The following MARCHF1 variants were observed in gnomAD, a reference collection of about 807,000 sequenced individuals.
MARCHF1 encodes membrane associated ring-CH-type finger 1.
A neutral mutation model predicts 54.2 loss-of-function variants in MARCHF1; 40 were observed. That is an observed-to-expected ratio of 0.74 (90% CI 0.57 to 0.96). The LOEUF (loss-of-function observed/expected upper bound fraction) is 0.96. MARCHF1 is among the 40% of genes least tolerant of loss of function. MARCHF1 has a pLI of 0.00. For missense variants in MARCHF1, 586 were observed against 656.5 expected (o/e 0.89, Z 1.17); for synonymous variants, 236 against 236.3 (o/e 1.00, Z 0.01).
intron 1 of MARCHF1, among the ~76,000 whole-genome samples, chr4:164,200,773 C>T (rs1220197189): frequency 2.0e-5 from 3 of 152,050 alleles, no homozygotes; most frequent in Admixed American, 6.6e-5. Flanking sequence ...TTTCAGAAAG[C>T]AATAAGTGCT....
intron 3 of MARCHF1, among the ~76,000 whole-genome samples, chr4:163,937,242 C>T (rs1751815529): frequency 6.6e-6 from 1 of 152,158 alleles, no homozygotes; most frequent in East Asian, 1.9e-4. Flanking sequence ...AGAAATTAGT[C>T]AATACATACA....
intron 4 of MARCHF1, among the ~76,000 whole-genome samples, chr4:163,743,596 T>TG (rs1746272225): frequency 8.2e-6 from 1 of 121,318 alleles, no homozygotes; most frequent in Non-Finnish European, 1.7e-5. Flanking sequence ...TTTTTTTTTT[T>TG]GAGACAGAGT....
chr4:163,985,357 C>A (rs753252872), intron 3 of MARCHF1, among the ~76,000 whole-genome samples: 1 of 152,108 alleles, frequency 6.6e-6, no homozygotes, highest in East Asian at 1.9e-4. Context: ...TGTATTCAAA[C>A]TGGACATAAT....
intron 1 of MARCHF1, among the ~76,000 whole-genome samples, chr4:164,362,626 C>T (rs989116614): frequency 1.3e-5 from 2 of 152,110 alleles, no homozygotes; most frequent in African/African-American, 2.4e-5. Flanking sequence ...AAATGGTGCA[C>T]ACTTTTGTTA....
chr4:163,783,909 T>G (rs1404080983), intron 4 of MARCHF1, among the ~76,000 whole-genome samples: 1 of 152,200 alleles, frequency 6.6e-6, no homozygotes, highest in Non-Finnish European at 1.5e-5. Flanking sequence ...TGCTATGTCT[T>G]TTAAGACACC....
chr4:164,180,657 T>C (rs529680147), intron 1 of MARCHF1, among the ~76,000 whole-genome samples: 7 of 152,316 alleles, frequency 4.6e-5, no homozygotes, highest in African/African-American at 1.7e-4. Flanking sequence ...TCAAGACAGC[T>C]GAATATGAGT....
intron 1 of MARCHF1, among the ~76,000 whole-genome samples, chr4:164,347,537 T>C (rs577332011): frequency 6.6e-6 from 1 of 152,310 alleles, no homozygotes; most frequent in East Asian, 1.9e-4. Flanking sequence ...TAATTTATCA[T>C]ATTGCTAAAA....
chr4:163,860,784 T>C (rs531404414), intron 3 of MARCHF1, among the ~76,000 whole-genome samples: 4 of 152,258 alleles, frequency 2.6e-5, no homozygotes, highest in Admixed American at 1.3e-4. Context: ...GATAGACAAA[T>C]AGTAGGGCAC....
intron 3 of MARCHF1, chr4:163,933,186 C>T: frequency 1.3e-6 from 1 of 746,588 alleles, no homozygotes. Flanking sequence ...TTCTTAGAGA[C>T]AACCTAACAC....
chr4:163,927,118 A>T (rs1445187099), intron 3 of MARCHF1, among the ~76,000 whole-genome samples: 2 of 151,664 alleles, frequency 1.3e-5, no homozygotes, highest in African/African-American at 4.8e-5. Flanking sequence ...ACAGACTTAA[A>T]TGTTTGTATT....
chr4:163,925,104 T>C lies in MARCHF1; in HGVS notation c.-39+63397A>G, dbSNP rs1010003993. Among the ~76,000 whole-genome samples, 11 of 151,906 alleles carry C rather than the reference T, an allele frequency of 7.2e-5. No homozygotes were observed. In the East Asian group the frequency reaches 7.7e-4, roughly 11 times the overall value. On this transcript the variant is annotated intron_variant, in intron 3 of 9. Transcript: ENST00000514618. ...ACTGTAACCACTGATAAACTTCTTATAGACCTTGTTACAGGAAGTGAGGTT... is the reference window on the plus strand; with the variant it reads ...ACTGTAACCACTGATAAACTTCTTACAGACCTTGTTACAGGAAGTGAGGTT...
intron 4 of MARCHF1, among the ~76,000 whole-genome samples, chr4:163,707,786 T>TAAAA (rs777522371): frequency 5.5e-4 from 36 of 65,766 alleles, no homozygotes; most frequent in South Asian, 9.9e-4. Context: ...TGTTTTGAAC[T>TAAAA]AAAAAAAAAA....
At chr4:164,013,886 C>T (rs753720224) in intron 2 of MARCHF1, among the ~76,000 whole-genome samples, 15 of 152,052 alleles carry the variant, frequency 9.9e-5, no homozygotes, top group African/African-American at 1.7e-4. Flanking sequence ...AAAGGGAGTC[C>T]GGGTGTGGTG....
At chr4:163,986,249 C>CCTTTTTTTTTTTTTTTT (rs1752864138) in intron 3 of MARCHF1, among the ~76,000 whole-genome samples, 2 of 28,830 alleles carry the variant, frequency 6.9e-5, no homozygotes, top group Non-Finnish European at 1.5e-4. Flanking sequence ...TTAACCTCTT[C>CCTTTTTTTTTTTTTTTT]TTTTTTTTTT....
At chr4:163,975,591 T>C (rs1752634800) in intron 3 of MARCHF1, among the ~76,000 whole-genome samples, 1 of 152,170 alleles carries the variant, frequency 6.6e-6, no homozygotes, top group Non-Finnish European at 1.5e-5. Flanking sequence ...CAGGTAAACA[T>C]CCCAGGATTA....
intron 3 of MARCHF1, among the ~76,000 whole-genome samples, chr4:163,873,761 T>A (rs1750230425): frequency 6.6e-6 from 1 of 152,216 alleles, no homozygotes; most frequent in Admixed American, 6.5e-5. Flanking sequence ...ATAGCAGCTC[T>A]ATATGTTCTC....
At chr4:163,809,985 T>C (rs1748340044) in intron 4 of MARCHF1, among the ~76,000 whole-genome samples, 1 of 152,038 alleles carries the variant, frequency 6.6e-6, no homozygotes, top group Non-Finnish European at 1.5e-5. Context: ...ATCCTGTAAA[T>C]GGTGCCATTT....
chr4:163,833,805 TG>T (rs1749099373), intron 4 of MARCHF1, among the ~76,000 whole-genome samples: 1 of 152,116 alleles, frequency 6.6e-6, no homozygotes, highest in Non-Finnish European at 1.5e-5. Flanking sequence ...ACAATGGAAA[TG>T]GGGACAATTA....
chr4:164,159,523 T>C (rs1730172863), intron 1 of MARCHF1, among the ~76,000 whole-genome samples: 1 of 152,188 alleles, frequency 6.6e-6, no homozygotes, highest in Non-Finnish European at 1.5e-5. Flanking sequence ...TCTGTTACTG[T>C]ACTTTACTTG....
Sources: gnomAD v4.1 joint callset for allele counts (sites outside exome capture counted in the v4.1 genomes callset) on GRCh38, gnomAD v4.1.1 for gene constraint, MANE v1.5 for transcripts, NCBI Gene and HGNC (gene_info 2026-07-23, HGNC 2026-07-21) for gene names.